Variants in GOLGA8H observed in about 807,000 individuals in gnomAD.
The protein encoded by GOLGA8H is golgin A8 family member H.
GOLGA8H carries 47 observed loss-of-function variants against 82.7 expected under a neutral mutation model. That is an observed-to-expected ratio of 0.57 (90% CI 0.45 to 0.73). The LOEUF (loss-of-function observed/expected upper bound fraction) is 0.73. Ranked by LOEUF, GOLGA8H falls within the 30% of genes least tolerant of loss-of-function variation. The probability of loss-of-function intolerance (pLI) is 0.00; values close to 1 mark genes in which losing one functional copy is unlikely to be tolerated. For synonymous variants in GOLGA8H, 108 were observed against 241.6 expected, an observed-to-expected ratio of 0.45 and a Z score of 5.13; for missense variants, 372 against 661.0, an observed-to-expected ratio of 0.56 and a Z score of 4.79.
chr15:30,612,552 G>A (rs541253805), intron 13 of GOLGA8H, 45 bp from the exon 14 acceptor site: 39 of 1,583,028 alleles, frequency 2.5e-5, no homozygotes, highest in Admixed American at 8.6e-5. Context: ...TGAGGGGGAC[G>A]ACCTGGCAAA....
At chr15:30,607,723 A>C (rs941056555) in intron 4 of GOLGA8H, 10 of 597,594 alleles carry the variant, frequency 1.7e-5, no homozygotes, top group Non-Finnish European at 2.3e-5. Flanking sequence ...GAATGAACCC[A>C]CTTCTCTAAA....
Position 30,617,680 on chromosome 15 carries a change from T to C in GOLGA8H, c.*3119T>C, listed in dbSNP as rs1316659175. 6.6e-6 allele frequency: 1 copy of C among 152,280 alleles called. No individual in the cohort carries two copies. Among genetic ancestry groups the C allele is most frequent in the Non-Finnish European group, 1.5e-5 (1 of 68,014 alleles). 9.4% of individuals were successfully genotyped at this position (152,280 alleles called of 1,614,324 possible). A position where few individuals can be genotyped will look rare whatever the true frequency, so the allele number is the denominator to read the frequency against. ...TGTGTCATGGAAATACTGAAAGATT[T>C]TTCCCTAGAGTGGCCTTATTGACTG... On this transcript the variant is annotated 3_prime_UTR_variant, in exon 19 of 19. Coordinates refer to ENST00000566740, the MANE Select transcript of GOLGA8H (RefSeq NM_001282490.2).
At position 30,605,967 on chromosome 15, in the gene GOLGA8H, G is replaced by A. The variant is rs781057786; in HGVS notation, c.168+5G>A. ...GGTTGCCAGCCACCTGGGGATGTGA[G>A]TCTTGGCTGACCAGGCTTCTGGGGA... On this transcript the variant is annotated splice_donor_5th_base_variant and intron_variant, in intron 2 of 18. Coordinates refer to ENST00000566740, the MANE Select transcript of GOLGA8H (RefSeq NM_001282490.2). 456 of 1,594,634 alleles carry A rather than the reference G, an allele frequency of 2.9e-4. 3 individuals carry two copies. The highest frequency in any genetic ancestry group is 3.7e-4 in the Non-Finnish European group (437 of 1,176,334).
intron 4 of GOLGA8H, chr15:30,607,693 A>C: frequency 1.8e-6 from 1 of 571,196 alleles, no homozygotes; most frequent in Non-Finnish European, 3.1e-6. Flanking sequence ...TGGTCCATAC[A>C]TGCTCAGTAA....
Position 30,612,511 on chromosome 15 carries a change from C to T in GOLGA8H, c.1201-86C>T. On this transcript the variant is annotated intron_variant, in intron 13 of 18. Coordinates refer to ENST00000566740, the MANE Select transcript of GOLGA8H (RefSeq NM_001282490.2). ...TGGCCTGCCAAAAGTTGCAGGAGAC[C>T]CAGGGGAGGGAGCTGCTGAGGATGG... is the stretch of plus-strand genomic sequence containing the variant. 7.7e-6 allele frequency: 10 copies of T among 1,301,324 alleles called. 2 individuals carry two copies. Among genetic ancestry groups the T allele is most frequent in the Non-Finnish European group, 9.6e-6 (9 of 932,708 alleles). 80.6% of individuals were successfully genotyped at this position (1,301,324 alleles called of 1,614,324 possible).
chr15:30,609,912 T>G lies in GOLGA8H; in HGVS notation c.678+20T>G, dbSNP rs758618095. ...ACACAGGTGAGGTTTTCTGAGGGAGTTATGTGGAAGGAAGATGACCCCAGG... is the reference window on the plus strand; with the variant it reads ...ACACAGGTGAGGTTTTCTGAGGGAGGTATGTGGAAGGAAGATGACCCCAGG... On this transcript the variant is annotated intron_variant, in intron 9 of 18. Transcript: ENST00000566740. 5.7e-6 allele frequency: 9 copies of G among 1,574,112 alleles called. No individual in the cohort carries two copies. The highest frequency in any genetic ancestry group is 4.1e-5 in the African/African-American group (3 of 73,036).
At position 30,613,914 on chromosome 15, in the gene GOLGA8H, T is replaced by G. The variant is rs1410811003; in HGVS notation, c.1470-39T>G. 24 of 1,492,976 alleles carry G rather than the reference T, an allele frequency of 1.6e-5. 1 individual carries two copies. The highest frequency in any genetic ancestry group is 2.2e-5 in the Non-Finnish European group (24 of 1,082,390). The allele number at this position is 1,492,976 out of a possible 1,614,324, so 92.5% of individuals were successfully genotyped here. On this transcript the variant is annotated intron_variant, in intron 16 of 18. Coordinates refer to ENST00000566740, the MANE Select transcript of GOLGA8H (RefSeq NM_001282490.2). Reference sequence around the variant, plus strand: ...CACGGCAGGGGGAGCTACAGGGCCGTCGGAGGGGCCCCAGCGTCTGAGCCC... The same window carrying G: ...CACGGCAGGGGGAGCTACAGGGCCGGCGGAGGGGCCCCAGCGTCTGAGCCC...
chr15:30,609,531 C>G (rs2059982670), intron 8 of GOLGA8H, among the ~76,000 whole-genome samples: 1 of 148,864 alleles, frequency 6.7e-6, no homozygotes, highest in Non-Finnish European at 1.5e-5. Context: ...GTGAAGTATT[C>G]CACAAAGGTT....
rs897824441 is a variant in GOLGA8H at position 30,605,786 on chromosome 15, G to T, written c.49-57G>T. ...GTATTTTGTAAAAACTGTAAAGGAG[G>T]ATGTGGCTGCAGGGGCTGACGGTTC... On this transcript the variant is annotated intron_variant, in intron 1 of 18. Coordinates refer to ENST00000566740, the MANE Select transcript of GOLGA8H (RefSeq NM_001282490.2). The T allele has an allele frequency of 3.2e-6, 5 of 1,585,832 alleles. No homozygotes were observed. The African/African-American group carries it at 6.7e-5, about 21-fold the overall frequency.
chr15:30,608,323 T>A lies in GOLGA8H; in HGVS notation c.349-8T>A. 6.3e-7 allele frequency: 1 copy of A among 1,593,836 alleles called. No homozygotes were observed. On this transcript the variant is annotated splice_region_variant and splice_polypyrimidine_tract_variant and intron_variant, in intron 5 of 18. Transcript: ENST00000566740. ...CCTGGTAAGAGCTCTGTCTTCTTCT[T>A]CCTACAGGAAAAGAAAGCAAACAAC...
intron 4 of GOLGA8H, 165 bp from the exon 5 acceptor site, chr15:30,607,865 T>A: frequency 1.6e-6 from 1 of 606,274 alleles, no homozygotes; most frequent in Non-Finnish European, 2.9e-6. Context: ...AAGACCCAAA[T>A]CCTCTGTCCT....
rs750510826 is a variant in GOLGA8H at position 30,609,911 on chromosome 15, G to T, written c.678+19G>T. 4 of 1,575,844 alleles carry T rather than the reference G, an allele frequency of 2.5e-6. No homozygotes were observed. In the East Asian group the frequency reaches 6.7e-5, roughly 27 times the overall value. The stretch of plus-strand genomic sequence containing the variant: ...GACACAGGTGAGGTTTTCTGAGGGA[G>T]TTATGTGGAAGGAAGATGACCCCAG... On this transcript the variant is annotated intron_variant, in intron 9 of 18. Transcript: ENST00000566740.
intron 14 of GOLGA8H, 192 bp from the exon 15 acceptor site, chr15:30,612,912 G>C: frequency 1.7e-6 from 1 of 581,408 alleles, no homozygotes; most frequent in East Asian, 2.8e-5. Flanking sequence ...CTCCCACATC[G>C]ACCAGTAGTG....
intron 2 of GOLGA8H, among the ~76,000 whole-genome samples, 178 bp downstream of exon 2, chr15:30,606,140 G>A (rs574748248): frequency 6.6e-6 from 1 of 151,668 alleles, no homozygotes; most frequent in Non-Finnish European, 1.5e-5. Flanking sequence ...GGATCATGAG[G>A]TCAGGCGATC....
chr15:30,609,813 G>A lies in GOLGA8H; in HGVS notation c.599G>A (p.Ser200Asn). Residue 200 changes from serine to asparagine, a missense_variant, in exon 9 of 19, where the codon AGC becomes AAC. Transcript: ENST00000566740. Reference protein sequence around the residue: ...TQKKKANQLSSRSKARTEWKL... With the variant: ...TQKKKANQLSNRSKARTEWKL... ...TCACTCTTCACCATCCAGTTGTCCA[G>A]CCGCAGCAAAGCACGTACGGAGTGG... 6.4e-7 allele frequency: 1 copy of A among 1,552,502 alleles called. No individual in the cohort carries two copies. Among genetic ancestry groups the A allele is most frequent in the East Asian group, 2.3e-5 (1 of 43,436 alleles).
chr15:30,611,655 C>T (rs1184238824), intron 13 of GOLGA8H, among the ~76,000 whole-genome samples: 1 of 140,702 alleles, frequency 7.1e-6, no homozygotes, highest in African/African-American at 2.8e-5. Flanking sequence ...GCCTATAATC[C>T]CAGCACTTTG....
At chr15:30,609,013 G>A (rs1265092308) in intron 8 of GOLGA8H, among the ~76,000 whole-genome samples, 2 of 134,448 alleles carry the variant, frequency 1.5e-5, no homozygotes, top group Non-Finnish European at 3.2e-5. Flanking sequence ...ACCTGGCTGT[G>A]GTCTTGAGCA....
chr15:30,613,288 T>A, intron 15 of GOLGA8H, 93 bp downstream of exon 15: 1 of 589,614 alleles, frequency 1.7e-6, no homozygotes, highest in Non-Finnish European at 2.8e-6. Context: ...CCTTCTGATT[T>A]CTCTGGACCC....
In GOLGA8H at chr15:30,605,886, G is replaced by A. The variant is rs749948049; in HGVS notation, c.92G>A (p.Gly31Glu). 4 of 1,584,820 alleles carry A rather than the reference G, an allele frequency of 2.5e-6. No individual in the cohort carries two copies. The highest frequency in any genetic ancestry group is 1.1e-5 in the South Asian group (1 of 89,252). The change falls in exon 2 of 19, where the codon GGA (glycine) becomes GAA (glutamate). Residue 31 changes from glycine to glutamate, a missense_variant. Gly to Glu is a moderately conservative substitution (Grantham distance 98, BLOSUM62 -2). Transcript: ENST00000566740. The stretch of plus-strand genomic sequence containing the variant: ...AAAAACAGCCCTAGAGTTCCAGCAG[G>A]AGCGAACAGGAACAGGAAAACAAAT... Reference protein sequence around the residue: ...WQKNSPRVPAGANRNRKTNGS... With the variant: ...WQKNSPRVPAEANRNRKTNGS...
Sources: gnomAD v4.1 joint callset for allele counts (sites outside exome capture counted in the v4.1 genomes callset) on GRCh38, gnomAD v4.1.1 for gene constraint, MANE v1.5 for transcripts, NCBI Gene and HGNC (gene_info 2026-07-23, HGNC 2026-07-21) for gene names.